TANGO6: variants seen among roughly 807,000 people sequenced by gnomAD.
The protein encoded by TANGO6 is transport and Golgi organization protein 6 homolog.
TANGO6 carries 90 observed loss-of-function variants against 114.2 expected under a neutral mutation model. The observed-to-expected ratio is 0.79, with a 90% CI of 0.66 to 0.94. The LOEUF (loss-of-function observed/expected upper bound fraction) is 0.94, where lower values mean the gene tolerates loss of function less well. TANGO6 is among the 40% of genes least tolerant of loss of function. TANGO6 has a pLI of 0.00. For missense variants in TANGO6, 1,274 were observed against 1,315.3 expected, an observed-to-expected ratio of 0.97 and a Z score of 0.49; for synonymous variants, 477 against 509.8, an observed-to-expected ratio of 0.94 and a Z score of 0.87.
At position 68,991,437 on chromosome 16, in the gene TANGO6, G is replaced by GAAAAA. The variant is rs199570937; in HGVS notation, c.2842+17272_2842+17273insAAAAA. On this transcript the variant is annotated intron_variant, in intron 15 of 17. Transcript: ENST00000261778. ...TCAAGACCAGCCTGGCCAACATGGT[G>GAAAAA]AAACCCTGCCTCTACTAAAAATAGA... Among the ~76,000 whole-genome samples the GAAAAA allele has an allele frequency of 4.2e-3, 646 of 152,116 alleles. 5 individuals carry two copies. Among genetic ancestry groups the GAAAAA allele is most frequent in the African/African-American group, 0.015 (624 of 41,508 alleles).
Position 69,012,836 on chromosome 16 carries a change from G to T in TANGO6, c.2843-9992G>T, listed in dbSNP as rs185573591. Among the ~76,000 whole-genome samples the T allele has an allele frequency of 2.6e-5, 4 of 152,260 alleles. No individual in the cohort carries two copies. The East Asian group carries it at 7.7e-4, about 29-fold the overall frequency. The stretch of plus-strand genomic sequence containing the variant: ...TGTCTTTCATTAAAAGATGAATTAG[G>T]ATCTCGGAGCCTTACGGTTCAAATA... On this transcript the variant is annotated intron_variant, in intron 15 of 17. Transcript: ENST00000261778.
intron 7 of TANGO6, among the ~76,000 whole-genome samples, chr16:68,894,470 T>C (rs1005988084): frequency 6.6e-6 from 1 of 151,784 alleles, no homozygotes; most frequent in African/African-American, 2.4e-5. Context: ...GCTGTATAAG[T>C]AGGAGGAAGG....
In TANGO6 at chr16:68,927,939, C is replaced by G. The variant is rs1223070204; in HGVS notation, c.2499C>G (p.Ser833Arg). The G allele has an allele frequency of 6.2e-7, 1 of 1,613,736 alleles. No homozygotes were observed. Among genetic ancestry groups the G allele is most frequent in the Non-Finnish European group, 8.5e-7 (1 of 1,179,846 alleles). ...CTACTACAAGTCAGAAATCTGGAAG[C>G]GTAACCACAGAACAGCTCCAAGAGG... ...PSTTTSQKSG[S>R]VTTEQLQEVL... The change falls in exon 13 of 18, where the codon AGC (serine) becomes AGG (arginine). Residue 833 changes from serine to arginine, a missense_variant. By Grantham distance (110) the Ser-to-Arg change is moderately radical. Transcript: ENST00000261778.
intron 7 of TANGO6, chr16:68,885,620 G>A (rs1380903868): frequency 6.6e-6 from 1 of 152,374 alleles, no homozygotes; most frequent in Non-Finnish European, 1.5e-5. Context: ...AGGGGTCAAA[G>A]AAATCTGTAA....
chr16:68,875,261 G>C lies in TANGO6; in HGVS notation c.1102G>C (p.Glu368Gln). The C allele has an allele frequency of 6.2e-6, 10 of 1,613,688 alleles. No individual in the cohort carries two copies. The highest frequency in any genetic ancestry group is 7.6e-6 in the Non-Finnish European group (9 of 1,179,716). Residue 368 changes from glutamate to glutamine, a missense_variant, in exon 5 of 18, where the codon GAG becomes CAG. By Grantham distance (29) the Glu-to-Gln change is conservative. Around this residue, in one of 5 missense-constraint regions of TANGO6, gnomAD observed 908 missense variants for 910.2 expected, o/e 1.00. Coordinates refer to ENST00000261778, the MANE Select transcript of TANGO6 (RefSeq NM_024562.2). ...TTGTCCCCAGCAGTCTCTTTCACCA[G>C]AGAATTACTACAGGGACATCTGCCC... ...ASCPQQSLSPENYYRDICPQV... is the reference protein window; with the variant it reads ...ASCPQQSLSPQNYYRDICPQV...
intron 7 of TANGO6, among the ~76,000 whole-genome samples, chr16:68,889,237 GA>G (rs1962580088): frequency 6.6e-6 from 1 of 152,148 alleles, no homozygotes; most frequent in East Asian, 1.9e-4. Flanking sequence ...TACAATTGAT[GA>G]GCCCACCTTA....
intron 14 of TANGO6, among the ~76,000 whole-genome samples, chr16:68,959,046 T>G (rs34771519): frequency 1.3e-5 from 2 of 152,036 alleles, no homozygotes; most frequent in Non-Finnish European, 2.9e-5. Flanking sequence ...GGTGCCTGAT[T>G]AGGTTGGATA....
chr16:68,882,174 A>G (rs1055059468), intron 7 of TANGO6, among the ~76,000 whole-genome samples: 22 of 152,010 alleles, frequency 1.4e-4, no homozygotes, highest in Admixed American at 7.9e-4. Flanking sequence ...CAATTCCACT[A>G]CTAGGTATAT....
intron 1 of TANGO6, among the ~76,000 whole-genome samples, chr16:68,849,971 CTTT>C (rs560571416): frequency 2.6e-5 from 3 of 114,836 alleles, no homozygotes; most frequent in Non-Finnish European, 3.6e-5. Context: ...TCTAGCGGTT[CTTT>C]TTTTTTTTTT....
intron 15 of TANGO6, among the ~76,000 whole-genome samples, chr16:68,976,084 G>A (rs1212097408): frequency 6.6e-6 from 1 of 151,940 alleles, no homozygotes; most frequent in African/African-American, 2.4e-5. Context: ...AGAGGTACAT[G>A]CCACCACACC....
chr16:68,967,236 A>G (rs1597040232), intron 14 of TANGO6, among the ~76,000 whole-genome samples: 3 of 152,188 alleles, frequency 2.0e-5, no homozygotes, highest in African/African-American at 7.2e-5. Flanking sequence ...GGATGGTTTC[A>G]GGATGAAACT....
intron 1 of TANGO6, 37 bp downstream of exon 1, chr16:68,843,748 G>A (rs1194836655): frequency 6.2e-7 from 1 of 1,604,434 alleles, no homozygotes; most frequent in African/African-American, 1.3e-5. Context: ...CTGGACCCGG[G>A]ACTCTCAGGG....
In TANGO6 at chr16:69,067,334, C is replaced by A. The variant is rs570316755; in HGVS notation, c.3109-16151C>A. Among the ~76,000 whole-genome samples, 6 of 150,658 alleles carry A rather than the reference C, an allele frequency of 4.0e-5. No homozygotes were observed. The East Asian group carries it at 7.9e-4, about 20-fold the overall frequency. On this transcript the variant is annotated intron_variant, in intron 17 of 17. Transcript: ENST00000261778. ...GACCATCCTGGCCAACATGGTGAAA[C>A]CCCATCTCTACTAAAAATACAAAAA...
At chr16:69,051,983 G>T (rs1402008548) in intron 17 of TANGO6, among the ~76,000 whole-genome samples, 2 of 122,782 alleles carry the variant, frequency 1.6e-5, no homozygotes, top group Admixed American at 9.9e-5. Context: ...TTGCTCTGTC[G>T]ACCCAGGTGG....
intron 14 of TANGO6, among the ~76,000 whole-genome samples, chr16:68,971,719 C>CAT (rs1963706768): frequency 6.7e-6 from 1 of 149,100 alleles, no homozygotes; most frequent in African/African-American, 2.5e-5. Context: ...GCAGCCTCTT[C>CAT]CTCTGGGGTT....
intron 7 of TANGO6, among the ~76,000 whole-genome samples, chr16:68,888,872 G>C (rs1026274744): frequency 2.0e-5 from 3 of 152,150 alleles, no homozygotes; most frequent in African/African-American, 7.2e-5. Context: ...GAGTGCAGTG[G>C]CGCAATCTCA....
At chr16:68,857,472 T>G (rs1962015574) in intron 1 of TANGO6, among the ~76,000 whole-genome samples, 1 of 152,156 alleles carries the variant, frequency 6.6e-6, no homozygotes, top group African/African-American at 2.4e-5. Context: ...TAATTATAAA[T>G]AAAGCTACTG....
At chr16:68,947,544 A>C (rs1427972671) in intron 14 of TANGO6, among the ~76,000 whole-genome samples, 1 of 151,998 alleles carries the variant, frequency 6.6e-6, no homozygotes, top group East Asian at 1.9e-4. Flanking sequence ...TGATTCTGTC[A>C]ACAAGCCTGA....
chr16:69,054,569 A>T (rs1044123413), intron 17 of TANGO6, among the ~76,000 whole-genome samples: 2 of 152,148 alleles, frequency 1.3e-5, no homozygotes, highest in Admixed American at 6.6e-5. Flanking sequence ...GGCATCAGGC[A>T]TACAATATAT....
Sources: gnomAD v4.1 joint callset for allele counts (sites outside exome capture counted in the v4.1 genomes callset) on GRCh38, gnomAD v4.1.1 for gene constraint, gnomAD v4.1.1 regional missense constraint, MANE v1.5 for transcripts, NCBI Gene and HGNC (gene_info 2026-07-23, HGNC 2026-07-21) for gene names.